WWC2: variants seen among roughly 807,000 people sequenced by gnomAD.
WWC2 encodes protein WWC2.
A neutral mutation model predicts 138.5 loss-of-function variants in WWC2; 101 were observed. That is an observed-to-expected ratio of 0.73 (90% confidence interval 0.62 to 0.86). WWC2 has a LOEUF of 0.86. WWC2 is among the 40% of genes least tolerant of loss of function. WWC2 has a pLI of 0.00. For missense variants in WWC2, 1,420 were observed against 1,419.4 expected, an observed-to-expected ratio of 1.00 and a Z score of -0.01; for synonymous variants, 558 against 538.4, an observed-to-expected ratio of 1.04 and a Z score of -0.50.
chr4:183,200,156 T>C (rs1053516223), intron 2 of WWC2, among the ~76,000 whole-genome samples: 2 of 152,166 alleles, frequency 1.3e-5, no homozygotes, highest in Admixed American at 1.3e-4. Context: ...TACTGGAGTG[T>C]TTTTCCTGAC....
At chr4:183,232,351 CA>C (rs1736271618) in intron 4 of WWC2, among the ~76,000 whole-genome samples, 2 of 152,086 alleles carry the variant, frequency 1.3e-5, no homozygotes. Flanking sequence ...CCCATTATTG[CA>C]ATCTAACTGT....
chr4:183,119,468 A>G (rs1732530700), intron 1 of WWC2, among the ~76,000 whole-genome samples: 1 of 152,174 alleles, frequency 6.6e-6, no homozygotes, highest in Non-Finnish European at 1.5e-5. Flanking sequence ...TCCTTTACAC[A>G]GTTAGCAAGA....
intron 4 of WWC2, among the ~76,000 whole-genome samples, chr4:183,233,127 A>G (rs556839028): frequency 1.0e-4 from 4 of 40,054 alleles, no homozygotes; most frequent in African/African-American, 3.4e-4. Flanking sequence ...TTTACTGTGT[A>G]TTTTTTTTTT....
chr4:183,146,430 G>A (rs1404266262), intron 1 of WWC2, among the ~76,000 whole-genome samples: 1 of 152,210 alleles, frequency 6.6e-6, no homozygotes, highest in Non-Finnish European at 1.5e-5. Context: ...ATGGTAAACA[G>A]AACAGCTAGT....
intron 1 of WWC2, among the ~76,000 whole-genome samples, chr4:183,167,283 G>A (rs1734155012): frequency 6.6e-6 from 1 of 152,198 alleles, no homozygotes; most frequent in Admixed American, 6.5e-5. Context: ...CCTACCGTAT[G>A]CTAGACATTG....
chr4:183,261,306 C>G lies in WWC2; in HGVS notation c.1683C>G (p.Pro561=). 1 of 1,613,614 alleles carries G rather than the reference C, an allele frequency of 6.2e-7. No homozygotes were observed. Among genetic ancestry groups the G allele is most frequent in the South Asian group, 1.1e-5 (1 of 90,922 alleles). The change falls in exon 11 of 23, where the codon CCC becomes CCG. Residue 561 remains proline (P), a synonymous_variant. Coordinates refer to ENST00000403733, the MANE Select transcript of WWC2 (RefSeq NM_024949.6). ...SLSSLSPPGS[P]LVLEGTFPMS... ...CCTCCTTGTCTCCTCCAGGCTCTCC[C>G]TTGGTTTTGGAAGGCACGTTTCCCA...
intron 1 of WWC2, among the ~76,000 whole-genome samples, chr4:183,151,404 A>T (rs1196014968): frequency 6.6e-6 from 1 of 152,036 alleles, no homozygotes; most frequent in African/African-American, 2.4e-5. Context: ...TTTTCTTGTA[A>T]ATTTGTTTAA....
chr4:183,280,842 CAAG>C lies in WWC2; in HGVS notation c.2644_2646del (p.Glu882del), dbSNP rs548940774. ...GTTAGCTGTGGAACAAGAATTAGCA[CAAG>C]AAGAAGAAGAAGAATCAGGACAAGA... On this transcript the variant is annotated inframe_deletion, in exon 17 of 23. Coordinates refer to ENST00000403733, the MANE Select transcript of WWC2 (RefSeq NM_024949.6). 1.4e-4 allele frequency: 222 copies of C among 1,582,116 alleles called. No individual in the cohort carries two copies. Among genetic ancestry groups the C allele is most frequent in the Admixed American group, 7.1e-4 (40 of 56,136 alleles).
At chr4:183,292,046 A>AT (rs1738469827) in intron 21 of WWC2, among the ~76,000 whole-genome samples, 6 of 150,244 alleles carry the variant, frequency 4.0e-5, no homozygotes, top group Admixed American at 4.0e-4. Flanking sequence ...AAAAAAAAAA[A>AT]TTCACTAGGC....
chr4:183,137,877 A>C (rs960233296), intron 1 of WWC2, among the ~76,000 whole-genome samples: 1 of 152,150 alleles, frequency 6.6e-6, no homozygotes, highest in African/African-American at 2.4e-5. Context: ...GTGATAACGC[A>C]GACTTGTTTC....
intron 21 of WWC2, among the ~76,000 whole-genome samples, chr4:183,303,548 A>G (rs1298303297): frequency 6.6e-6 from 1 of 152,236 alleles, no homozygotes; most frequent in Non-Finnish European, 1.5e-5. Context: ...CGTGAATTAC[A>G]TAACTTTCTA....
intron 1 of WWC2, among the ~76,000 whole-genome samples, chr4:183,177,736 A>G (rs1734506184): frequency 6.6e-6 from 1 of 152,096 alleles, no homozygotes; most frequent in Non-Finnish European, 1.5e-5. Context: ...TGAAATGTTA[A>G]GCATGCTTTC....
chr4:183,122,935 GAAGT>G (rs1159474665), intron 1 of WWC2, among the ~76,000 whole-genome samples: 2 of 152,200 alleles, frequency 1.3e-5, no homozygotes, highest in South Asian at 2.1e-4. Flanking sequence ...AGTTTCATTA[GAAGT>G]AAGAGAAATG....
intron 21 of WWC2, among the ~76,000 whole-genome samples, chr4:183,295,619 T>TA (rs1429384399): frequency 5.3e-5 from 8 of 152,342 alleles, no homozygotes; most frequent in African/African-American, 1.7e-4. Flanking sequence ...TTAGAGACCT[T>TA]ATGTACAACA....
intron 8 of WWC2, among the ~76,000 whole-genome samples, chr4:183,252,073 C>T (rs574037089): frequency 1.3e-5 from 2 of 152,270 alleles, no homozygotes; most frequent in Non-Finnish European, 2.9e-5. Flanking sequence ...TACACCGTGC[C>T]ACTCTAACAT....
At chr4:183,101,082 A>G (rs374333442) in intron 1 of WWC2, among the ~76,000 whole-genome samples, 1 of 152,270 alleles carries the variant, frequency 6.6e-6, no homozygotes, top group East Asian at 1.9e-4. Context: ...AGGCACCTGT[A>G]TAAATATTTG....
At chr4:183,170,412 C>G (rs1380201866) in intron 1 of WWC2, among the ~76,000 whole-genome samples, 1 of 152,200 alleles carries the variant, frequency 6.6e-6, no homozygotes, top group Non-Finnish European at 1.5e-5. Context: ...AACTTTCCAG[C>G]TCTCAAGTTC....
intron 14 of WWC2, among the ~76,000 whole-genome samples, chr4:183,268,010 C>T (rs1737561549): frequency 6.6e-6 from 1 of 152,162 alleles, no homozygotes; most frequent in Admixed American, 6.6e-5. Context: ...TGAGCTGTGT[C>T]TTAGTAAGGC....
At position 183,105,717 on chromosome 4, in the gene WWC2, T is replaced by C. The variant is rs56043820; in HGVS notation, c.131+6095T>C. On this transcript the variant is annotated intron_variant, in intron 1 of 22. Transcript: ENST00000403733. ...CATCCTGGCTAACACAGTGAAACCCTGTCTCTACTAAAAATACAAAAAATT... is the reference window on the plus strand; with the variant it reads ...CATCCTGGCTAACACAGTGAAACCCCGTCTCTACTAAAAATACAAAAAATT... 2.6e-4 allele frequency among the ~76,000 whole-genome samples: 40 copies of C among 152,136 alleles called. No homozygotes were observed. The East Asian group carries it at 3.5e-3, about 13-fold the overall frequency.
Sources: gnomAD v4.1 joint callset for allele counts (sites outside exome capture counted in the v4.1 genomes callset) on GRCh38, gnomAD v4.1.1 for gene constraint, MANE v1.5 for transcripts, NCBI Gene and HGNC (gene_info 2026-07-23, HGNC 2026-07-21) for gene names.